Variants in RBL1 observed in about 807,000 individuals in gnomAD.
RBL1 encodes the protein retinoblastoma-like protein 1.
RBL1 carries 82 observed loss-of-function variants against 123.0 expected under a neutral mutation model. The ratio of observed to expected loss-of-function variants is 0.67; its 90% CI spans 0.56 to 0.80. The LOEUF (loss-of-function observed/expected upper bound fraction) is 0.80, where lower values mean the gene tolerates loss of function less well. RBL1 is among the 30% of genes least tolerant of loss of function. The pLI is 0.00. For missense variants in RBL1, 1,171 were observed against 1,299.6 expected (o/e 0.90, Z 1.52); for synonymous variants, 405 against 441.3 (o/e 0.92, Z 1.03).
At chr20:37,058,856 T>A (rs149715233) in intron 9 of RBL1, among the ~76,000 whole-genome samples, 1 of 151,946 alleles carries the variant, frequency 6.6e-6, no homozygotes, top group African/African-American at 2.4e-5. Flanking sequence ...GATTCTCCCA[T>A]CTCAGCCTCC....
At chr20:37,007,348 T>C in intron 20 of RBL1, 63 bp downstream of exon 20, 1 of 1,540,854 alleles carries the variant, frequency 6.5e-7, no homozygotes, top group Non-Finnish European at 8.8e-7. Context: ...TCTAGCAAAA[T>C]AAACTTATAG....
At chr20:37,016,021 G>T (rs1435995370) in intron 19 of RBL1, among the ~76,000 whole-genome samples, 4 of 112,502 alleles carry the variant, frequency 3.6e-5, no homozygotes, top group East Asian at 2.9e-4. Flanking sequence ...GTGCCCAGCG[G>T]TTTTTTTTTT....
intron 2 of RBL1, among the ~76,000 whole-genome samples, chr20:37,079,465 A>AT (rs768901139): frequency 0.26 from 29,660 of 115,388 alleles, 4,507 homozygotes; most frequent in East Asian, 0.48. Flanking sequence ...GGCTTAAAGC[A>AT]TTTTTTTTTT....
chr20:37,001,186 G>T (rs1305124372), intron 21 of RBL1, among the ~76,000 whole-genome samples: 2 of 147,386 alleles, frequency 1.4e-5, no homozygotes, highest in African/African-American at 2.5e-5. Context: ...CCTCTGCCCG[G>T]CCGCCCCTGC....
intron 16 of RBL1, among the ~76,000 whole-genome samples, chr20:37,023,702 G>A (rs1308680404): frequency 2.0e-5 from 3 of 151,482 alleles, no homozygotes; most frequent in East Asian, 3.9e-4. Flanking sequence ...CCTAGATCCT[G>A]CAAGATTGTT....
At position 37,007,538 on chromosome 20, in the gene RBL1, G is replaced by A. The variant is rs2064094454; in HGVS notation, c.2744C>T (p.Thr915Ile). ...CACTGGTCCACTGGAACAGTCAGGTGTTTTTGTAGCATCTTCTAAGTCTGT... is the reference window on the plus strand; with the variant it reads ...CACTGGTCCACTGGAACAGTCAGGTATTTTTGTAGCATCTTCTAAGTCTGT... ...IDCDLEDATK[T>I]PDCSSGPVKE... The change falls in exon 20 of 22, where the codon ACA (threonine) becomes ATA (isoleucine). Residue 915 changes from threonine (T) to isoleucine (I), a missense_variant. By Grantham distance (89) the Thr-to-Ile change is moderately conservative. Transcript: ENST00000373664. 1.2e-6 allele frequency: 2 copies of A among 1,613,458 alleles called. No homozygotes were observed. Among genetic ancestry groups the A allele is most frequent in the Non-Finnish European group, 8.5e-7 (1 of 1,179,808 alleles).
At chr20:37,020,579 A>G (rs1421657420) in intron 18 of RBL1, 80 bp downstream of exon 18, 1 of 973,628 alleles carries the variant, frequency 1.0e-6, no homozygotes. Flanking sequence ...AAACTATAAA[A>G]TAAGTTTACC....
At chr20:37,072,484 G>A (rs1372378112) in intron 2 of RBL1, among the ~76,000 whole-genome samples, 1 of 152,014 alleles carries the variant, frequency 6.6e-6, no homozygotes, top group African/African-American at 2.4e-5. Flanking sequence ...CCTGGGCAAC[G>A]AGAGCGAAAC....
intron 13 of RBL1, 47 bp downstream of exon 13, chr20:37,044,039 T>C: frequency 7.2e-7 from 1 of 1,393,854 alleles, no homozygotes. Flanking sequence ...GCTGGTTTTT[T>C]TTTTTTTTTT....
chr20:37,020,756 T>C, intron 17 of RBL1, 26 bp from the exon 18 acceptor site: 1 of 1,462,346 alleles, frequency 6.8e-7, no homozygotes, highest in South Asian at 1.3e-5. Context: ...ACCGCATTTA[T>C]CAACTGCTTT....
rs373003508 is a variant in RBL1, at chr20:37,045,081, CTTATTTATTTAT to C, written c.1606-843_1606-832del. Among the ~76,000 whole-genome samples, 1,327 of 146,226 alleles carry C rather than the reference CTTATTTATTTAT, an allele frequency of 9.1e-3. 22 individuals carry two copies. The highest frequency in any genetic ancestry group is 0.026 in the African/African-American group (1,043 of 39,900). On this transcript the variant is annotated intron_variant, in intron 12 of 21. Transcript: ENST00000373664. ...TGACTTTAATATTCACATTTATTTA[CTTATTTATTTAT>C]TTATTTATTTATTTATTTATTTATT...
chr20:37,007,901 C>G (rs1265752497), intron 19 of RBL1, among the ~76,000 whole-genome samples: 3 of 151,988 alleles, frequency 2.0e-5, no homozygotes, highest in Non-Finnish European at 2.9e-5. Context: ...ACAAAGCATA[C>G]TTTAATATAC....
intron 6 of RBL1, among the ~76,000 whole-genome samples, chr20:37,066,191 G>A (rs1448397765): frequency 2.0e-5 from 3 of 152,154 alleles, no homozygotes; most frequent in African/African-American, 7.2e-5. Flanking sequence ...GAAACCCAAA[G>A]GAACAAGCCA....
intron 2 of RBL1, among the ~76,000 whole-genome samples, chr20:37,084,179 T>G (rs1423948127): frequency 6.6e-6 from 1 of 152,012 alleles, no homozygotes; most frequent in Non-Finnish European, 1.5e-5. Flanking sequence ...GGATTACAGG[T>G]GTGTGCCACT....
intron 19 of RBL1, among the ~76,000 whole-genome samples, chr20:37,014,018 G>T (rs895092855): frequency 6.6e-6 from 1 of 151,778 alleles, no homozygotes; most frequent in Non-Finnish European, 1.5e-5. Flanking sequence ...ATAGCTCTAA[G>T]AACTGGAAGG....
At chr20:37,009,325 C>T (rs1282075830) in intron 19 of RBL1, among the ~76,000 whole-genome samples, 1 of 151,888 alleles carries the variant, frequency 6.6e-6, no homozygotes, top group Non-Finnish European at 1.5e-5. Flanking sequence ...CGCCTGGACC[C>T]CCCAAAACAC....
chr20:37,005,300 A>T (rs2064052677), intron 20 of RBL1, among the ~76,000 whole-genome samples: 1 of 151,602 alleles, frequency 6.6e-6, no homozygotes, highest in Non-Finnish European at 1.5e-5. Context: ...CCAGCTACTC[A>T]GGAGGCTGAG....
chr20:37,014,189 C>A (rs1428324852), intron 19 of RBL1, among the ~76,000 whole-genome samples: 22 of 151,920 alleles, frequency 1.4e-4, no homozygotes, highest in African/African-American at 5.3e-4. Context: ...GCCAACCTCC[C>A]AATTCAGCCT....
At chr20:37,092,060 C>T (rs2065655267) in intron 1 of RBL1, among the ~76,000 whole-genome samples, 1 of 152,058 alleles carries the variant, frequency 6.6e-6, no homozygotes, top group Non-Finnish European at 1.5e-5. Context: ...TTGGGTAACA[C>T]AGCAAAACCC....
Sources: gnomAD v4.1 joint callset for allele counts (sites outside exome capture counted in the v4.1 genomes callset) on GRCh38, gnomAD v4.1.1 for gene constraint, MANE v1.5 for transcripts, NCBI Gene and HGNC (gene_info 2026-07-23, HGNC 2026-07-21) for gene names.